Variants in HPS4 observed in about 807,000 individuals in gnomAD.
The protein encoded by HPS4 is BLOC-3 complex member HPS4.
Under a neutral mutation model 70.3 loss-of-function variants are expected in HPS4, and 44 were observed. That is an observed-to-expected ratio of 0.63 (90% CI 0.49 to 0.80). The LOEUF (loss-of-function observed/expected upper bound fraction) is 0.80. Among genes scored for constraint, HPS4 ranks in the 30% least tolerant of loss-of-function variants. The probability of loss-of-function intolerance (pLI) is 0.00; values close to 1 mark genes in which losing one functional copy is unlikely to be tolerated. For synonymous variants in HPS4, 377 were observed against 355.9 expected (o/e 1.06, Z -0.67); for missense variants, 873 against 884.4 (o/e 0.99, Z 0.16).
chr22:26,459,603 C>G (rs2086848736), intron 11 of HPS4, among the ~76,000 whole-genome samples: 1 of 152,154 alleles, frequency 6.6e-6, no homozygotes, highest in Admixed American at 6.5e-5. Context: ...CTGCTTCAGC[C>G]ACAAGAAAGA....
intron 11 of HPS4, 81 bp from the exon 12 acceptor site, chr22:26,458,658 T>C: frequency 7.0e-7 from 1 of 1,433,270 alleles, no homozygotes. Flanking sequence ...CAGACTTAGT[T>C]AAAAAAAAAA....
intron 3 of HPS4, among the ~76,000 whole-genome samples, 197 bp downstream of exon 3, chr22:26,479,068 A>G (rs1202384772): frequency 6.6e-6 from 1 of 152,220 alleles, no homozygotes; most frequent in Non-Finnish European, 1.5e-5. Flanking sequence ...ATAGAAAGCT[A>G]AAGACGATGA....
downstream of HPS4, among the ~76,000 whole-genome samples, chr22:26,449,480 G>A (rs5752328): frequency 0.87 from 131,336 of 151,832 alleles, 57,397 homozygotes; most frequent in Non-Finnish European, 0.93. Context: ...ACAGGCATGC[G>A]CCACCCCACC....
chr22:26,444,100 T>G (rs1288899553), downstream of HPS4: 3 of 152,192 alleles, frequency 2.0e-5, no homozygotes, highest in African/African-American at 7.2e-5. Flanking sequence ...CCAGGTTGGC[T>G]GATAGGAGCT....
rs985917088 is a variant in HPS4 at position 26,474,251 on chromosome 22, GAA to G, written c.277-1314_277-1313del. Among the ~76,000 whole-genome samples, 26 of 152,234 alleles carry G rather than the reference GAA, an allele frequency of 1.7e-4. 1 individual carries two copies. In the South Asian group the frequency reaches 2.9e-3, roughly 17 times the overall value. On this transcript the variant is annotated intron_variant, in intron 4 of 13. Coordinates refer to ENST00000398145, the MANE Select transcript of HPS4 (RefSeq NM_022081.6). ...CTTCAAACAGATCTGTGGAAAAGCC[GAA>G]AAGAGTCCAGAAATAGACCCACGCT...
chr22:26,446,216 C>T (rs1437486203), downstream of HPS4, among the ~76,000 whole-genome samples: 1 of 152,168 alleles, frequency 6.6e-6, no homozygotes, highest in Non-Finnish European at 1.5e-5. Flanking sequence ...CCTCTGTTCC[C>T]ATGTACTCAA....
chr22:26,470,911 G>A (rs1330553452), intron 6 of HPS4, 98 bp from the exon 7 acceptor site: 5 of 1,564,112 alleles, frequency 3.2e-6, no homozygotes, highest in East Asian at 4.8e-5. Flanking sequence ...TGGACAGGGT[G>A]TAGCTCAAAG....
intron 13 of HPS4, among the ~76,000 whole-genome samples, chr22:26,454,468 G>C (rs1295273458): frequency 1.3e-5 from 2 of 152,218 alleles, no homozygotes; most frequent in Non-Finnish European, 2.9e-5. Context: ...TTGTTTTAAA[G>C]AATGAGATTA....
chr22:26,446,803 C>T (rs529299941), downstream of HPS4, among the ~76,000 whole-genome samples: 25 of 152,278 alleles, frequency 1.6e-4, no homozygotes, highest in South Asian at 4.1e-4. Flanking sequence ...GGCGCAATCT[C>T]GGCTCACTGC....
chr22:26,464,417 A>G lies in HPS4; in HGVS notation c.1213T>C (p.Ser405Pro). ...TCCAGGCTGCTGGAGGCGCTGAGAG[A>G]TGCCTTGCAGTAAGGAGCCCTGCCA... ...PDGRAPYCKASLSASSSLEPT... is the reference protein window; with the variant it reads ...PDGRAPYCKAPLSASSSLEPT... Residue 405 changes from serine to proline, a missense_variant, in exon 11 of 14, where the codon TCT becomes CCT. Transcript: ENST00000398145. The G allele has an allele frequency of 6.2e-7, 1 of 1,614,168 alleles. No homozygotes were observed. Among genetic ancestry groups the G allele is most frequent in the Non-Finnish European group, 8.5e-7 (1 of 1,180,034 alleles).
intron 7 of HPS4, among the ~76,000 whole-genome samples, chr22:26,469,483 G>A (rs1341251836): frequency 1.3e-5 from 2 of 151,162 alleles, no homozygotes; most frequent in African/African-American, 2.4e-5. Context: ...AGAAAGAAGG[G>A]GGGCTTTTAA....
downstream of HPS4, among the ~76,000 whole-genome samples, chr22:26,450,827 C>A (rs1479217884): frequency 6.6e-6 from 1 of 152,202 alleles, no homozygotes; most frequent in Non-Finnish European, 1.5e-5. Flanking sequence ...CTGCCATGAT[C>A]ATAAGTTTCC....
At chr22:26,465,827 T>A in intron 9 of HPS4, 1 of 553,116 alleles carries the variant, frequency 1.8e-6, no homozygotes, top group South Asian at 2.0e-5. Flanking sequence ...GAAGAAGATA[T>A]AAGCTAAGAA....
At chr22:26,443,786 T>A (rs2084880151), downstream of HPS4, 1 of 152,380 alleles carries the variant, frequency 6.6e-6, no homozygotes, top group Admixed American at 6.5e-5. Context: ...CCAGACACAG[T>A]CAGGGTGGCA....
intron 11 of HPS4, among the ~76,000 whole-genome samples, chr22:26,462,932 A>G (rs1201256545): frequency 2.0e-5 from 3 of 152,238 alleles, no homozygotes; most frequent in African/African-American, 7.2e-5. Flanking sequence ...CTGTGCAAGG[A>G]AGCTGCTGTG....
downstream of HPS4, among the ~76,000 whole-genome samples, chr22:26,449,700 C>CA (rs2085077833): frequency 1.3e-5 from 2 of 152,208 alleles, no homozygotes; most frequent in Non-Finnish European, 1.5e-5. Flanking sequence ...CAGCTCTTCT[C>CA]ACGCCCTCCG....
In HPS4 at chr22:26,457,940, T is replaced by C. The variant is rs2086461136; in HGVS notation, c.1874A>G (p.Gln625Arg). Residue 625 changes from glutamine (Q) to arginine (R), a missense_variant, in exon 13 of 14, where the codon CAG becomes CGG. Transcript: ENST00000398145. ...MANLPQVATPQDRRFLQAVSL... is the reference protein window; with the variant it reads ...MANLPQVATPRDRRFLQAVSL... ...GACGGCCTGGAGGAAGCGGCGATCC[T>C]GCGGGGTGGCCACCTGCGGCAGGTT... The C allele has an allele frequency of 1.2e-6, 2 of 1,613,880 alleles. No individual in the cohort carries two copies. The highest frequency in any genetic ancestry group is 1.7e-6 in the Non-Finnish European group (2 of 1,180,008).
chr22:26,450,520 A>C (rs773203242), downstream of HPS4, among the ~76,000 whole-genome samples: 2 of 152,256 alleles, frequency 1.3e-5, no homozygotes, highest in African/African-American at 4.8e-5. Flanking sequence ...GGGAGGAGAC[A>C]GTTTGATCAG....
Position 26,453,180 on chromosome 22 carries a change from G to A in HPS4, c.*53C>T. On this transcript the variant is annotated 3_prime_UTR_variant, in exon 14 of 14. Transcript: ENST00000398145. ...TAGAGGGGCCTTTTCAATTATAAAA[G>A]GCAGAGCTTCCTTTGCTGGTTTTCT... 6.4e-7 allele frequency: 1 copy of A among 1,567,374 alleles called. No homozygotes were observed.
Sources: gnomAD v4.1 joint callset for allele counts (sites outside exome capture counted in the v4.1 genomes callset) on GRCh38, gnomAD v4.1.1 for gene constraint, MANE v1.5 for transcripts, NCBI Gene and HGNC (gene_info 2026-07-23, HGNC 2026-07-21) for gene names.